SCRG1: variants seen among roughly 807,000 people sequenced by gnomAD.
SCRG1 encodes stimulator of chondrogenesis 1, also known as scrapie-responsive protein 1.
A neutral mutation model predicts 7.7 loss-of-function variants in SCRG1; 3 were observed. The observed-to-expected ratio is 0.39, with a 90% CI of 0.18 to 1.01. The LOEUF is 1.01. SCRG1 is among the 50% of genes least tolerant of loss of function. The pLI, the probability that SCRG1 is intolerant of heterozygous loss-of-function variation, is 0.36. For missense variants in SCRG1, 110 were observed against 117.2 expected, an observed-to-expected ratio of 0.94 and a Z score of 0.28; for synonymous variants, 46 against 41.2, an observed-to-expected ratio of 1.12 and a Z score of -0.44.
At chr4:173,456,772 A>G in the SCRG1 span, among the ~76,000 whole-genome samples, 4 of 152,328 alleles carry the variant, frequency 2.6e-5, no homozygotes, top group South Asian at 6.2e-4. Context: ...AAAAAAGTAG[A>G]AAGAGTAGGA....
chr4:173,422,209 A>C, the SCRG1 span, among the ~76,000 whole-genome samples: 31 of 152,320 alleles, frequency 2.0e-4, 1 homozygote, highest in South Asian at 8.3e-4. Flanking sequence ...CAAATCAAAA[A>C]CATTATCAAC....
upstream of SCRG1, among the ~76,000 whole-genome samples, chr4:173,407,283 G>A (rs528422537): frequency 1.6e-4 from 24 of 151,098 alleles, no homozygotes; most frequent in East Asian, 3.5e-3. Flanking sequence ...TTAGGAGGCC[G>A]AGGTGGGCAG....
chr4:173,480,854 C>CA, the SCRG1 span, among the ~76,000 whole-genome samples: 1 of 151,510 alleles, frequency 6.6e-6, no homozygotes, highest in Admixed American at 6.6e-5. Context: ...GCAAAGATGG[C>CA]AAAATAATAA....
the SCRG1 span, among the ~76,000 whole-genome samples, chr4:173,465,846 T>A: frequency 6.6e-6 from 1 of 152,106 alleles, no homozygotes; most frequent in East Asian, 1.9e-4. Context: ...TCCACTTTTT[T>A]CACTTCCACA....
chr4:173,388,434 G>A (rs1372709617), intron 2 of SCRG1, 39 bp from the exon 3 acceptor site: 2 of 1,399,000 alleles, frequency 1.4e-6, no homozygotes, highest in African/African-American at 2.8e-5. Flanking sequence ...TCACCTTAAG[G>A]CTAAGATATT....
rs978093065 is a variant in SCRG1, at chr4:173,387,090, T to C, written c.*1251A>G. On this transcript the variant is annotated 3_prime_UTR_variant, in exon 3 of 3. Coordinates refer to ENST00000296506, the MANE Select transcript of SCRG1 (RefSeq NM_007281.4). ...AATGTATGATACTTTTAAATTCTCA[T>C]CCATTATGTTTCTTTTAATGTGTGT... 1 of 152,212 alleles carries C rather than the reference T, an allele frequency of 6.6e-6. No individual in the cohort carries two copies. Among genetic ancestry groups the C allele is most frequent in the South Asian group, 2.1e-4 (1 of 4,834 alleles). 9.4% of individuals were successfully genotyped at this position (152,212 alleles called of 1,614,324 possible).
At chr4:173,473,698 G>T in the SCRG1 span, among the ~76,000 whole-genome samples, 1 of 152,220 alleles carries the variant, frequency 6.6e-6, no homozygotes. Context: ...CTAGGGCAGT[G>T]GGGTCTGAGG....
At chr4:173,436,801 G>A in the SCRG1 span, among the ~76,000 whole-genome samples, 63 of 152,070 alleles carry the variant, frequency 4.1e-4, no homozygotes, top group Non-Finnish European at 6.8e-4. Flanking sequence ...CACCAACTTC[G>A]CAGGCTTCGT....
At chr4:173,465,916 C>A in the SCRG1 span, among the ~76,000 whole-genome samples, 1 of 152,024 alleles carries the variant, frequency 6.6e-6, no homozygotes. Context: ...TTGTGCACAT[C>A]GGGCAAGTGG....
the SCRG1 span, among the ~76,000 whole-genome samples, chr4:173,423,119 A>C: frequency 2.0e-5 from 3 of 152,306 alleles, no homozygotes; most frequent in Admixed American, 2.0e-4. Flanking sequence ...ATTGGTTAAG[A>C]AAAAAATCTT....
chr4:173,509,595 T>C, the SCRG1 span, among the ~76,000 whole-genome samples: 1 of 152,154 alleles, frequency 6.6e-6, no homozygotes, highest in East Asian at 1.9e-4. This position sits in a 1 kb window ranked among gnomAD's most constrained non-coding sequence, Gnocchi z 5.7. Context: ...ATTTCCTTCC[T>C]TCCCGAGTGA....
the SCRG1 span, among the ~76,000 whole-genome samples, chr4:173,484,388 T>TACATTATATATTA: frequency 4.0e-5 from 1 of 24,930 alleles, no homozygotes; most frequent in African/African-American, 1.3e-4. Context: ...TATGTATATT[T>TACATTATATATTA]TATACATTAT....
the SCRG1 span, among the ~76,000 whole-genome samples, chr4:173,517,242 C>T: frequency 5.7e-3 from 869 of 152,238 alleles, 3 homozygotes; most frequent in Non-Finnish European, 9.8e-3. Context: ...GAAGCAAGGC[C>T]CTGCGGTCAT....
chr4:173,419,931 C>G, the SCRG1 span: 1 of 760,760 alleles, frequency 1.3e-6, no homozygotes, highest in Middle Eastern at 3.8e-4. Flanking sequence ...TTTGTGCAGA[C>G]TATCATAGCC....
the SCRG1 span, among the ~76,000 whole-genome samples, chr4:173,427,173 G>T: frequency 6.6e-6 from 1 of 152,162 alleles, no homozygotes; most frequent in Non-Finnish European, 1.5e-5. Flanking sequence ...TTGCACCCCA[G>T]AGCTGGGCTT....
At chr4:173,508,167 C>G in the SCRG1 span, among the ~76,000 whole-genome samples, 4 of 152,170 alleles carry the variant, frequency 2.6e-5, no homozygotes, top group Non-Finnish European at 5.9e-5. This position sits in a 1 kb window ranked among gnomAD's most constrained non-coding sequence, Gnocchi z 4.4. Context: ...TGGAACTCCC[C>G]CTCCTCCCGC....
chr4:173,429,528 A>G, the SCRG1 span, among the ~76,000 whole-genome samples: 1 of 152,132 alleles, frequency 6.6e-6, no homozygotes. Context: ...AACTCCTGGC[A>G]TCAAGTGATC....
chr4:173,507,062 A>T, the SCRG1 span, among the ~76,000 whole-genome samples: 2,286 of 152,240 alleles, frequency 0.015, 44 homozygotes, highest in African/African-American at 0.043. The surrounding 1 kb of genome is among the most constrained non-coding windows in gnomAD (Gnocchi z 4.4). Context: ...GGGTGGGGGC[A>T]TTGCCCTCTG....
chr4:173,483,011 T>G, the SCRG1 span, among the ~76,000 whole-genome samples: 13 of 130,270 alleles, frequency 1.0e-4, no homozygotes, highest in South Asian at 2.2e-4. Context: ...GTATAATATA[T>G]TATATAATTT....
Sources: gnomAD v4.1 joint callset for allele counts (sites outside exome capture counted in the v4.1 genomes callset) on GRCh38, gnomAD v4.1.1 for gene constraint, Gnocchi (gnomAD v3.1) non-coding constraint, MANE v1.5 for transcripts, NCBI Gene and HGNC (gene_info 2026-07-23, HGNC 2026-07-21) for gene names.